The following SEMA4A variants were observed in gnomAD, a reference collection of about 807,000 sequenced individuals.
SEMA4A encodes semaphorin-4A.
SEMA4A carries 52 observed loss-of-function variants against 72.5 expected under a neutral mutation model. That is an observed-to-expected ratio of 0.72 (90% CI 0.57 to 0.90). SEMA4A has a LOEUF of 0.90. SEMA4A is among the 40% of genes least tolerant of loss of function. SEMA4A has a pLI of 0.00. For synonymous variants in SEMA4A, 369 were observed against 393.1 expected (o/e 0.94, Z 0.73); for missense variants, 926 against 959.7 (o/e 0.96, Z 0.46).
intron 10 of SEMA4A, 116 bp from the exon 11 acceptor site, chr1:156,172,710 C>A (rs1360545400): frequency 2.0e-6 from 2 of 991,090 alleles, no homozygotes; most frequent in Non-Finnish European, 1.6e-6. Context: ...TTAACCACCA[C>A]CCTGAAATGA....
At position 156,164,724 on chromosome 1, in the gene SEMA4A, CAT is replaced by C. The variant is rs544349982; in HGVS notation, c.1134+1632_1134+1633del. 2.9e-4 allele frequency among the ~76,000 whole-genome samples: 44 copies of C among 152,158 alleles called. 1 individual carries two copies. The South Asian group carries it at 8.9e-3, about 31-fold the overall frequency. Reference sequence around the variant, plus strand: ...AAGCCATGATTACTTTTCCTTTTTGCATAGTTTTGTTTTCCCTGGGGTTAGTA... The same window carrying C: ...AAGCCATGATTACTTTTCCTTTTTGCAGTTTTGTTTTCCCTGGGGTTAGTA... On this transcript the variant is annotated intron_variant, in intron 10 of 14. Coordinates refer to ENST00000368285, the MANE Select transcript of SEMA4A (RefSeq NM_022367.4).
At chr1:156,159,752 A>C (rs1653400811) in intron 6 of SEMA4A, among the ~76,000 whole-genome samples, 1 of 151,976 alleles carries the variant, frequency 6.6e-6, no homozygotes, top group South Asian at 2.1e-4. Flanking sequence ...TCTCTACTAA[A>C]AACAAAACAA....
At chr1:156,158,277 A>G in intron 4 of SEMA4A, 111 bp from the exon 5 acceptor site, 1 of 1,261,544 alleles carries the variant, frequency 7.9e-7, no homozygotes, top group Non-Finnish European at 1.2e-6. Context: ...AGAGGCGTAC[A>G]GGGACTGCCC....
Position 156,175,544 on chromosome 1 carries a change from C to T in SEMA4A, c.1593-12C>T, listed in dbSNP as rs780570763. On this transcript the variant is annotated splice_polypyrimidine_tract_variant and intron_variant, in intron 13 of 14. Coordinates refer to ENST00000368285, the MANE Select transcript of SEMA4A (RefSeq NM_022367.4). Reference sequence around the variant, plus strand: ...TTTTGAAGGATAATTTTTACTTTCTCTGCTCTCTTAGGAACTCCTGGAAGC... The same window carrying T: ...TTTTGAAGGATAATTTTTACTTTCTTTGCTCTCTTAGGAACTCCTGGAAGC... 4 of 1,604,924 alleles carry T rather than the reference C, an allele frequency of 2.5e-6. No homozygotes were observed. In the South Asian group the frequency reaches 4.4e-5, roughly 18 times the overall value.
intron 10 of SEMA4A, 139 bp downstream of exon 10, chr1:156,163,233 GGT>G (rs1491526521): frequency 2.2e-6 from 2 of 928,362 alleles, no homozygotes; most frequent in Non-Finnish European, 3.3e-6. Flanking sequence ...ACGTACACCT[GGT>G]ATAGCTGCCT....
At chr1:156,150,969 C>T (rs1459438624), upstream of SEMA4A, among the ~76,000 whole-genome samples, 1 of 152,072 alleles carries the variant, frequency 6.6e-6, no homozygotes, top group Admixed American at 6.5e-5. Context: ...GTGGGCAGGT[C>T]CCTGAACATC....
At chr1:156,151,802 C>G (rs1288453898), upstream of SEMA4A, among the ~76,000 whole-genome samples, 1 of 143,886 alleles carries the variant, frequency 6.9e-6, no homozygotes, top group Non-Finnish European at 1.5e-5. Flanking sequence ...CACCACCACA[C>G]TCCAGCCTAG....
intron 10 of SEMA4A, among the ~76,000 whole-genome samples, chr1:156,165,676 T>C (rs1654084258): frequency 6.6e-6 from 1 of 151,970 alleles, no homozygotes; most frequent in African/African-American, 2.4e-5. Flanking sequence ...TTTTTTTTAA[T>C]ACTGATCCTT....
chr1:156,150,431 A>G (rs574214266), upstream of SEMA4A, among the ~76,000 whole-genome samples: 12 of 152,242 alleles, frequency 7.9e-5, no homozygotes, highest in African/African-American at 2.9e-4. Flanking sequence ...GCCTGTGACC[A>G]TAACAAGAGG....
chr1:156,175,700 A>G, intron 14 of SEMA4A, 44 bp downstream of exon 14: 1 of 1,439,804 alleles, frequency 6.9e-7, no homozygotes, highest in Non-Finnish European at 9.6e-7. Flanking sequence ...AAGGCTCTGG[A>G]AGACTTTTGG....
intron 6 of SEMA4A, among the ~76,000 whole-genome samples, chr1:156,159,308 T>C (rs1248339797): frequency 1.3e-5 from 2 of 152,066 alleles, no homozygotes; most frequent in Non-Finnish European, 2.9e-5. Flanking sequence ...CACTCCAGCC[T>C]GCGCAACAAA....
At chr1:156,151,368 C>A (rs181671377), upstream of SEMA4A, among the ~76,000 whole-genome samples, 59 of 152,286 alleles carry the variant, frequency 3.9e-4, no homozygotes, top group Non-Finnish European at 6.6e-4. Flanking sequence ...GGGGTCTGAC[C>A]CCAGAGACTG....
intron 3 of SEMA4A, 63 bp downstream of exon 3, chr1:156,156,637 G>A: frequency 2.6e-6 from 4 of 1,552,214 alleles, no homozygotes; most frequent in Middle Eastern, 2.1e-4. Context: ...AGCTACCCTG[G>A]GCTTGGCTGC....
In SEMA4A at chr1:156,175,212, C is replaced by T. The variant is rs199580400; in HGVS notation, c.1561C>T (p.Arg521Ter). The T allele has an allele frequency of 2.5e-6, 4 of 1,613,528 alleles. No individual in the cohort carries two copies. Among genetic ancestry groups the T allele is most frequent in the South Asian group, 1.1e-5 (1 of 91,076 alleles). The change falls in exon 13 of 15, where the codon CGA (arginine) becomes TGA (stop). Residue 521 changes from arginine (R) to a stop codon, truncating the protein, a stop_gained. Transcript: ENST00000368285. LOFTEE classifies it high-confidence loss of function. ...CCACTGTGCCTGGGACCCTGAGTCC[C>T]GAACCTGTTGCCTCCTGTCTGCCCC... ...DPHCAWDPES[R>*]TCCLLSAPNL...
intron 6 of SEMA4A, among the ~76,000 whole-genome samples, chr1:156,159,595 T>C (rs1454283100): frequency 6.6e-6 from 1 of 151,970 alleles, no homozygotes; most frequent in Admixed American, 6.6e-5. Flanking sequence ...GGCACTGTGC[T>C]GGGTAGTATA....
Position 156,176,801 on chromosome 1 carries a change from G to C in SEMA4A, c.2090G>C (p.Gly697Ala). 1 of 1,613,860 alleles carries C rather than the reference G, an allele frequency of 6.2e-7. No homozygotes were observed. Among genetic ancestry groups the C allele is most frequent in the Non-Finnish European group, 8.5e-7 (1 of 1,179,744 alleles). The change falls in exon 15 of 15, where the codon GGA becomes GCA. Residue 697 changes from glycine (G) to alanine (A), a missense_variant. Transcript: ENST00000368285. The stretch of plus-strand genomic sequence containing the variant: ...GTCCTCTTTGCCTTAGTGCTTTCAG[G>C]AGCCCTCATCATCCTCGTGGCCTCC... ...VTVLFALVLSGALIILVASPL... is the reference protein window; with the variant it reads ...VTVLFALVLSAALIILVASPL...
chr1:156,156,963 C>G (rs1653101521), intron 3 of SEMA4A, among the ~76,000 whole-genome samples: 1 of 152,066 alleles, frequency 6.6e-6, no homozygotes, highest in Admixed American at 6.5e-5. Flanking sequence ...AACTCCTGAC[C>G]TCAGGTGATC....
chr1:156,158,776 G>C lies in SEMA4A; in HGVS notation c.520G>C (p.Gly174Arg). 2 of 1,614,056 alleles carry C rather than the reference G, an allele frequency of 1.2e-6. No individual in the cohort carries two copies. The change falls in exon 6 of 15, where the codon GGC becomes CGC. Residue 174 changes from glycine (G) to arginine (R), a missense_variant. Gly to Arg is a moderately radical substitution (Grantham distance 125). Coordinates refer to ENST00000368285, the MANE Select transcript of SEMA4A (RefSeq NM_022367.4). The stretch of plus-strand genomic sequence containing the variant: ...GGAGGACAAGGTCATGGAGGGAAAA[G>C]GCCAAAGCCCCTTTGACCCCGCTCA... ...ISEDKVMEGK[G>R]QSPFDPAHKH...
Position 156,154,657 on chromosome 1 carries a change from CCGA to C in SEMA4A, c.87_89del (p.Thr30del), listed in dbSNP as rs760427067. The C allele has an allele frequency of 1.1e-5, 17 of 1,604,906 alleles. No individual in the cohort carries two copies. The East Asian group carries it at 1.3e-4, about 13-fold the overall frequency. On this transcript the variant is annotated inframe_deletion, in exon 2 of 15. Coordinates refer to ENST00000368285, the MANE Select transcript of SEMA4A (RefSeq NM_022367.4). ...CTTCCAACTGCTTCAGCTGCTGCTGCCGACGACGACCGCGGGGGGAGGCGGGCA... is the reference window on the plus strand; with the variant it reads ...CTTCCAACTGCTTCAGCTGCTGCTGCCGACGACCGCGGGGGGAGGCGGGCA...
Sources: gnomAD v4.1 joint callset for allele counts (sites outside exome capture counted in the v4.1 genomes callset) on GRCh38, gnomAD v4.1.1 for gene constraint, MANE v1.5 for transcripts, NCBI Gene and HGNC (gene_info 2026-07-23, HGNC 2026-07-21) for gene names.